ADCY8: variants seen among roughly 807,000 people sequenced by gnomAD.
The protein encoded by ADCY8 is adenylate cyclase type 8.
Under a neutral mutation model 119.7 loss-of-function variants are expected in ADCY8, and 51 were observed. That is an observed-to-expected ratio of 0.43 (90% CI 0.34 to 0.54). The LOEUF is 0.54. ADCY8 is among the 20% of genes least tolerant of loss of function. ADCY8 has a pLI of 0.03. For missense variants in ADCY8, 1,383 were observed against 1,598.8 expected (o/e 0.87, Z 2.30); for synonymous variants, 665 against 651.0 (o/e 1.02, Z -0.33).
intron 11 of ADCY8, among the ~76,000 whole-genome samples, chr8:130,843,719 A>G (rs263259): frequency 0.07 from 10,642 of 152,286 alleles, 520 homozygotes; most frequent in Non-Finnish European, 0.098. Context: ...ATTTTAAAAC[A>G]TAGATTGTGG....
At chr8:130,812,019 TCTG>T (rs1816183574) in intron 14 of ADCY8, among the ~76,000 whole-genome samples, 1 of 152,226 alleles carries the variant, frequency 6.6e-6, no homozygotes, top group African/African-American at 2.4e-5. Flanking sequence ...ACCTCCCACA[TCTG>T]CTCCATTATC....
chr8:130,788,252 A>G (rs1296250452), intron 15 of ADCY8, among the ~76,000 whole-genome samples: 2 of 152,220 alleles, frequency 1.3e-5, no homozygotes, highest in African/African-American at 4.8e-5. Context: ...GTTTCCATCA[A>G]TGGATGAGTA....
chr8:131,039,224 A>C (rs1824267972), intron 1 of ADCY8, 150 bp downstream of exon 1: 18 of 1,138,522 alleles, frequency 1.6e-5, no homozygotes, highest in Admixed American at 2.4e-5. Flanking sequence ...GCATTCCGCT[A>C]ACACTCAAGA....
intron 12 of ADCY8, among the ~76,000 whole-genome samples, chr8:130,835,603 C>T (rs1816961713): frequency 6.6e-6 from 1 of 151,928 alleles, no homozygotes; most frequent in South Asian, 2.1e-4. Context: ...TTGTACTTTT[C>T]TATATTTCAG....
chr8:130,940,941 C>T (rs1009467649), intron 4 of ADCY8, among the ~76,000 whole-genome samples: 4 of 152,162 alleles, frequency 2.6e-5, no homozygotes, highest in African/African-American at 9.7e-5. Context: ...GGTAGAATCA[C>T]AGGGATGTAT....
intron 6 of ADCY8, among the ~76,000 whole-genome samples, chr8:130,909,141 A>G (rs1332820831): frequency 1.3e-5 from 2 of 152,236 alleles, no homozygotes; most frequent in Non-Finnish European, 2.9e-5. Context: ...CAATCTGTGT[A>G]AACAGAATCT....
chr8:130,928,869 A>G (rs1266254244), intron 5 of ADCY8, among the ~76,000 whole-genome samples: 2 of 152,128 alleles, frequency 1.3e-5, no homozygotes, highest in Non-Finnish European at 2.9e-5. Flanking sequence ...AAGAATTGAT[A>G]TTCTTCTTTA....
intron 4 of ADCY8, among the ~76,000 whole-genome samples, chr8:130,941,813 A>G (rs1820965153): frequency 6.6e-6 from 1 of 152,210 alleles, no homozygotes; most frequent in Admixed American, 6.5e-5. Flanking sequence ...TCACAAATAC[A>G]GAGTAACATC....
intron 1 of ADCY8, among the ~76,000 whole-genome samples, chr8:131,001,603 T>C (rs909145859): frequency 4.3e-5 from 6 of 141,138 alleles, no homozygotes; most frequent in Non-Finnish European, 9.5e-5. Flanking sequence ...ACACATACTA[T>C]ATATACAAAT....
intron 7 of ADCY8, among the ~76,000 whole-genome samples, chr8:130,888,487 G>GT (rs965805505): frequency 6.6e-6 from 1 of 152,094 alleles, no homozygotes; most frequent in African/African-American, 2.4e-5. Context: ...TCATGACTGA[G>GT]TTTTTTCCCA....
chr8:130,885,567 T>C (rs1051180194), intron 7 of ADCY8, among the ~76,000 whole-genome samples: 2 of 151,898 alleles, frequency 1.3e-5, no homozygotes, highest in African/African-American at 4.8e-5. Context: ...TTCCTCCTGG[T>C]GATTCAGTAG....
chr8:130,944,184 A>T (rs1195644533), intron 3 of ADCY8, among the ~76,000 whole-genome samples: 3 of 152,188 alleles, frequency 2.0e-5, no homozygotes, highest in Non-Finnish European at 4.4e-5. Flanking sequence ...CCCATGAGGA[A>T]ACTGAGGCTC....
chr8:131,035,496 C>G (rs1204610494), intron 1 of ADCY8, among the ~76,000 whole-genome samples: 2 of 152,080 alleles, frequency 1.3e-5, no homozygotes, highest in South Asian at 4.1e-4. Context: ...TGAGTGGCCC[C>G]TTTTAGGTTC....
chr8:130,832,603 A>T (rs1816872174), intron 12 of ADCY8, among the ~76,000 whole-genome samples: 1 of 152,196 alleles, frequency 6.6e-6, no homozygotes, highest in South Asian at 2.1e-4. Flanking sequence ...ATTGATAGCA[A>T]AGAGTAAGGC....
Position 131,024,630 on chromosome 8 carries a change from A to G in ADCY8, c.960+14744T>C, listed in dbSNP as rs114222705. ...AGAGATAGGCAAGTGCCATGAAGTC[A>G]CTAATTATATAGTCAAAGTACACAA... is the stretch of plus-strand genomic sequence containing the variant. On this transcript the variant is annotated intron_variant, in intron 1 of 17. Transcript: ENST00000286355. Among the ~76,000 whole-genome samples, 1,229 of 152,342 alleles carry G rather than the reference A, an allele frequency of 8.1e-3. 15 individuals carry two copies. The highest frequency in any genetic ancestry group is 0.028 in the African/African-American group (1,162 of 41,582).
intron 7 of ADCY8, among the ~76,000 whole-genome samples, chr8:130,896,370 C>A (rs1303634456): frequency 6.6e-6 from 1 of 152,120 alleles, no homozygotes. Flanking sequence ...GATAGGATTG[C>A]CTTTCTTAAG....
chr8:130,846,306 A>G lies in ADCY8; in HGVS notation c.2502+1118T>C, dbSNP rs547484669. Reference sequence around the variant, plus strand: ...ATATGTAAAGTTCTGGGTTGTGAATAACAGACCCCATAGGCTGACCCCAAG... The same window carrying G: ...ATATGTAAAGTTCTGGGTTGTGAATGACAGACCCCATAGGCTGACCCCAAG... On this transcript the variant is annotated intron_variant, in intron 11 of 17. Coordinates refer to ENST00000286355, the MANE Select transcript of ADCY8 (RefSeq NM_001115.3). Among the ~76,000 whole-genome samples, 38 of 152,240 alleles carry G rather than the reference A, an allele frequency of 2.5e-4. No homozygotes were observed. The Middle Eastern group carries it at 0.01, about 41-fold the overall frequency.
rs1015004372 is a variant in ADCY8, at chr8:130,937,136, T to C, written c.1418A>G (p.Glu473Gly). Residue 473 changes from glutamate (E) to glycine (G), a missense_variant, in exon 5 of 18, where the codon GAG (glutamate) becomes GGG (glycine). Physicochemically the swap from Glu to Gly is moderately conservative, Grantham distance 98. This residue lies in a region of ADCY8 where 928 missense variants were observed against 1,163.5 expected (regional missense o/e 0.80). Transcript: ENST00000286355. ...DCYYCVSGLP[E>G]PRQDHAHCCV... is the part of the protein sequence containing the mutation. ...GCAGTGGGCATGGTCCTGGCGGGGC[T>C]CAGGAAGTCCAGACACGCAGTAGTA... The C allele has an allele frequency of 5.0e-6, 8 of 1,613,842 alleles. No individual in the cohort carries two copies. The highest frequency in any genetic ancestry group is 5.9e-6 in the Non-Finnish European group (7 of 1,179,844).
chr8:130,944,122 T>C (rs1222528756), intron 3 of ADCY8, among the ~76,000 whole-genome samples: 1 of 152,160 alleles, frequency 6.6e-6, no homozygotes, highest in African/African-American at 2.4e-5. Flanking sequence ...GTTACTCTCT[T>C]GGTTAAGCCA....
Sources: gnomAD v4.1 joint callset for allele counts (sites outside exome capture counted in the v4.1 genomes callset) on GRCh38, gnomAD v4.1.1 for gene constraint, gnomAD v4.1.1 regional missense constraint, MANE v1.5 for transcripts, NCBI Gene and HGNC (gene_info 2026-07-23, HGNC 2026-07-21) for gene names.